The following KCND2 variants were observed in gnomAD, a reference collection of about 807,000 sequenced individuals.
KCND2 encodes the protein A-type voltage-gated potassium channel KCND2.
Under a neutral mutation model 54.4 loss-of-function variants are expected in KCND2, and 16 were observed. That is an observed-to-expected ratio of 0.29 (90% CI 0.20 to 0.45). The LOEUF (loss-of-function observed/expected upper bound fraction) is 0.45. KCND2 is among the 20% of genes least tolerant of loss of function. KCND2 has a pLI of 1.00. For missense variants in KCND2, 486 were observed against 824.2 expected (o/e 0.59, Z 5.02); for synonymous variants, 317 against 310.7 (o/e 1.02, Z -0.21).
At chr7:120,393,212 G>A (rs138232641) in intron 1 of KCND2, among the ~76,000 whole-genome samples, 1 of 151,848 alleles carries the variant, frequency 6.6e-6, no homozygotes, top group Non-Finnish European at 1.5e-5. Flanking sequence ...GTGAATCTTA[G>A]TCTACATGTA....
At position 120,307,084 on chromosome 7, in the gene KCND2, G is replaced by A. The variant is rs574906223; in HGVS notation, c.1115+31337G>A. Among the ~76,000 whole-genome samples, 25 of 152,014 alleles carry A rather than the reference G, an allele frequency of 1.6e-4. No homozygotes were observed. In the South Asian group the frequency reaches 5.2e-3, roughly 32 times the overall value. ...CGTTTGCTTTTAAAATTTATGCTGTGTTAGATTACAAGTAGATTTTCATGT... is the reference window on the plus strand; with the variant it reads ...CGTTTGCTTTTAAAATTTATGCTGTATTAGATTACAAGTAGATTTTCATGT... On this transcript the variant is annotated intron_variant, in intron 1 of 5. Transcript: ENST00000331113.
chr7:120,595,362 A>T (rs1792725175), intron 1 of KCND2, among the ~76,000 whole-genome samples: 1 of 150,754 alleles, frequency 6.6e-6, no homozygotes, highest in African/African-American at 2.4e-5. Flanking sequence ...GAGACATGAG[A>T]ATCACTTGAA....
At chr7:120,518,466 C>G (rs1015285202) in intron 1 of KCND2, among the ~76,000 whole-genome samples, 1 of 152,094 alleles carries the variant, frequency 6.6e-6, no homozygotes, top group African/African-American at 2.4e-5. Flanking sequence ...CATGAATTAT[C>G]TGGAAAATTA....
At chr7:120,482,073 A>C (rs1802615041) in intron 1 of KCND2, among the ~76,000 whole-genome samples, 1 of 152,156 alleles carries the variant, frequency 6.6e-6, no homozygotes, top group Non-Finnish European at 1.5e-5. Flanking sequence ...GGGTTGCCTG[A>C]GGCCTTTGGG....
At chr7:120,302,405 G>A (rs1385124760) in intron 1 of KCND2, among the ~76,000 whole-genome samples, 1 of 152,078 alleles carries the variant, frequency 6.6e-6, no homozygotes, top group Admixed American at 6.6e-5. Context: ...GACTAGCGGT[G>A]TGCACCACCA....
chr7:120,492,076 C>T (rs779824264), intron 1 of KCND2, among the ~76,000 whole-genome samples: 17 of 151,938 alleles, frequency 1.1e-4, no homozygotes, highest in Admixed American at 9.9e-4. Flanking sequence ...TTTGCCTGAC[C>T]GTGCTATTTC....
At chr7:120,354,028 C>T (rs141528485) in intron 1 of KCND2, among the ~76,000 whole-genome samples, 186 of 152,180 alleles carry the variant, frequency 1.2e-3, no homozygotes, top group Non-Finnish European at 2.1e-3. Context: ...GGGAAATATA[C>T]GTAGAGTACT....
rs144765242 is a variant in KCND2, at chr7:120,275,101, G to A, written c.469G>A (p.Ala157Thr). 3.7e-5 allele frequency: 59 copies of A among 1,613,704 alleles called. No homozygotes were observed. The African/African-American group carries it at 7.7e-4, about 21-fold the overall frequency. The change falls in exon 1 of 6, where the codon GCT becomes ACT. Residue 157 changes from alanine (A) to threonine (T), a missense_variant. Ala to Thr is a moderately conservative substitution (Grantham distance 58). Around this residue, in one of 7 missense-constraint regions of KCND2, gnomAD observed 231 missense variants for 386.0 expected, o/e 0.60. Coordinates refer to ENST00000331113, the MANE Select transcript of KCND2 (RefSeq NM_012281.3). ...GCAGGACGACGCGGATACCGACACC[G>A]CTGGGGAGAGCGCCTTGCCCACCAT... ...RLQDDADTDT[A>T]GESALPTMTA...
intron 1 of KCND2, among the ~76,000 whole-genome samples, chr7:120,434,160 G>A (rs1801833143): frequency 6.6e-6 from 1 of 152,080 alleles, no homozygotes; most frequent in South Asian, 2.1e-4. Flanking sequence ...AGTAAAAATG[G>A]GTCCTATACC....
intron 1 of KCND2, among the ~76,000 whole-genome samples, chr7:120,456,119 C>T (rs1414945920): frequency 6.6e-6 from 1 of 152,164 alleles, no homozygotes; most frequent in South Asian, 2.1e-4. Flanking sequence ...GCAGGCTCCT[C>T]AGTGTTTTCC....
At chr7:120,376,250 G>A (rs1335531695) in intron 1 of KCND2, among the ~76,000 whole-genome samples, 1 of 151,182 alleles carries the variant, frequency 6.6e-6, no homozygotes, top group Non-Finnish European at 1.5e-5. Context: ...ATGAATTCTG[G>A]TTGTCATAAG....
At chr7:120,609,612 T>C (rs1204892378) in intron 1 of KCND2, among the ~76,000 whole-genome samples, 1 of 152,174 alleles carries the variant, frequency 6.6e-6, no homozygotes, top group Non-Finnish European at 1.5e-5. Context: ...ACAAAAGCTG[T>C]ATCTTAAAAA....
intron 1 of KCND2, among the ~76,000 whole-genome samples, chr7:120,623,695 CATT>C (rs1793131286): frequency 6.6e-6 from 1 of 152,090 alleles, no homozygotes; most frequent in African/African-American, 2.4e-5. Context: ...ACATTAAACA[CATT>C]ATTTAAATTG....
At chr7:120,519,071 G>A (rs1324128710) in intron 1 of KCND2, among the ~76,000 whole-genome samples, 1 of 152,056 alleles carries the variant, frequency 6.6e-6, no homozygotes, top group Admixed American at 6.6e-5. Context: ...GTTCCCGCCT[G>A]TAATTTCAGC....
rs367606973 is a variant in KCND2, at chr7:120,675,436, G to C, written c.1116-57467G>C. On this transcript the variant is annotated intron_variant, in intron 1 of 5. Coordinates refer to ENST00000331113, the MANE Select transcript of KCND2 (RefSeq NM_012281.3). ...TTATTTTTAGTAGAGATGGGTTTTC[G>C]CCATGTTGGCCAGGCTGGTCTCAAA... Among the ~76,000 whole-genome samples, 79 of 150,350 alleles carry C rather than the reference G, an allele frequency of 5.3e-4. 1 individual carries two copies. In the East Asian group the frequency reaches 0.014, roughly 27 times the overall value.
intron 1 of KCND2, among the ~76,000 whole-genome samples, chr7:120,715,767 A>G (rs1792595296): frequency 6.6e-6 from 1 of 152,070 alleles, no homozygotes; most frequent in East Asian, 1.9e-4. Flanking sequence ...GTAGGTATAG[A>G]GTGACAACAC....
At chr7:120,479,796 C>CAAAAAAAA (rs771337674) in intron 1 of KCND2, among the ~76,000 whole-genome samples, 2 of 75,586 alleles carry the variant, frequency 2.6e-5, no homozygotes, top group African/African-American at 4.4e-5. Flanking sequence ...TACACACACA[C>CAAAAAAAA]AAAAAAAAAA....
Position 120,613,704 on chromosome 7 carries a change from G to A in KCND2, c.1116-119199G>A, listed in dbSNP as rs545787845. On this transcript the variant is annotated intron_variant, in intron 1 of 5. Transcript: ENST00000331113. The stretch of plus-strand genomic sequence containing the variant: ...ATGTAGTGGGGACATTCTGGCTGGG[G>A]AGGTCCTTCATTTTTCTTAGGTCCT... 2.0e-5 allele frequency among the ~76,000 whole-genome samples: 3 copies of A among 152,206 alleles called. No individual in the cohort carries two copies. The South Asian group carries it at 6.2e-4, about 32-fold the overall frequency.
intron 1 of KCND2, among the ~76,000 whole-genome samples, chr7:120,578,634 G>A (rs1015163205): frequency 2.6e-5 from 4 of 152,114 alleles, no homozygotes; most frequent in African/African-American, 9.7e-5. Flanking sequence ...TGGGGACCAA[G>A]GTGGGAAGAT....
Sources: allele counts gnomAD v4.1 joint callset (sites outside exome capture counted in the v4.1 genomes callset), GRCh38; gene constraint gnomAD v4.1.1; regional missense constraint gnomAD v4.1.1; transcripts MANE v1.5; gene names NCBI Gene and HGNC (gene_info 2026-07-23, HGNC 2026-07-21).